Variants in SPNS2 observed in about 807,000 individuals in gnomAD.
SPNS2 encodes sphingosine-1-phosphate transporter SPNS2.
SPNS2 carries 37 observed loss-of-function variants against 57.6 expected under a neutral mutation model. The observed-to-expected ratio is 0.64, with a 90% CI of 0.49 to 0.85. SPNS2 has a LOEUF of 0.85. Ranked by LOEUF, SPNS2 falls within the 40% of genes least tolerant of loss-of-function variation. The pLI, the probability that SPNS2 is intolerant of heterozygous loss-of-function variation, is 0.00. For synonymous variants in SPNS2, 440 were observed against 346.9 expected (o/e 1.27, Z -2.98); for missense variants, 831 against 779.1 (o/e 1.07, Z -0.79).
chr17:4,520,303 G>A (rs1905107294), intron 2 of SPNS2, among the ~76,000 whole-genome samples: 1 of 152,202 alleles, frequency 6.6e-6, no homozygotes, highest in Non-Finnish European at 1.5e-5. Context: ...CCATCTAAGT[G>A]AGGAGCCAGA....
At chr17:4,500,736 T>C (rs543115690) in intron 1 of SPNS2, among the ~76,000 whole-genome samples, 8 of 152,256 alleles carry the variant, frequency 5.3e-5, no homozygotes, top group African/African-American at 1.7e-4. Flanking sequence ...TCTCCCCGTC[T>C]GTTGAATGGA....
At chr17:4,532,887 TG>T in intron 6 of SPNS2, 89 bp from the exon 7 acceptor site, 1 of 1,522,274 alleles carries the variant, frequency 6.6e-7, no homozygotes, top group Non-Finnish European at 8.8e-7. Context: ...ACGAGGCATT[TG>T]GGGGCCTCCT....
chr17:4,505,855 T>A (rs989201093), intron 1 of SPNS2, among the ~76,000 whole-genome samples: 3 of 152,124 alleles, frequency 2.0e-5, no homozygotes, highest in Admixed American at 2.0e-4. Context: ...TTGGAGCCCA[T>A]GCTAGGGTCT....
Position 4,533,863 on chromosome 17 carries a change from G to A in SPNS2, c.1344+10G>A, listed in dbSNP as rs776816469. The A allele has an allele frequency of 6.2e-6, 10 of 1,611,564 alleles. No individual in the cohort carries two copies. Among genetic ancestry groups the A allele is most frequent in the Non-Finnish European group, 7.6e-6 (9 of 1,179,574 alleles). On this transcript the variant is annotated intron_variant, in intron 9 of 12. Coordinates refer to ENST00000329078, the MANE Select transcript of SPNS2 (RefSeq NM_001124758.3). ...TGCAGACATCCTCATGGTGAGCCAG[G>A]CAGGCCGAGGTCACCTTGTGCTGCT...
At chr17:4,505,791 T>A (rs1456750505) in intron 1 of SPNS2, among the ~76,000 whole-genome samples, 1 of 152,160 alleles carries the variant, frequency 6.6e-6, no homozygotes, top group Non-Finnish European at 1.5e-5. Flanking sequence ...TAGCCAGAGC[T>A]TGGAGGCTGG....
intron 5 of SPNS2, among the ~76,000 whole-genome samples, chr17:4,531,509 C>A (rs1905472675): frequency 6.6e-6 from 1 of 152,106 alleles, no homozygotes; most frequent in East Asian, 1.9e-4. Context: ...GTGTGGGGGC[C>A]CCAGAGTCTG....
intron 11 of SPNS2, 76 bp from the exon 12 acceptor site, chr17:4,536,824 C>T: frequency 7.9e-7 from 1 of 1,264,224 alleles, no homozygotes; most frequent in Non-Finnish European, 1.1e-6. Context: ...GCCCCCACGA[C>T]ACGATGTGCC....
intron 9 of SPNS2, 47 bp downstream of exon 9, chr17:4,533,900 C>G (rs1221195013): frequency 3.1e-6 from 4 of 1,311,252 alleles, no homozygotes; most frequent in Non-Finnish European, 3.2e-6. Context: ...ACCCAGGCCT[C>G]TTGACCTCAC....
rs770664644 is a variant in SPNS2 at position 4,536,187 on chromosome 17, G to T, written c.1443+13G>T. The T allele has an allele frequency of 1.4e-5, 23 of 1,610,158 alleles. No homozygotes were observed. The highest frequency in any genetic ancestry group is 1.7e-4 in the Middle Eastern group (1 of 5,986). On this transcript the variant is annotated intron_variant, in intron 10 of 12. Coordinates refer to ENST00000329078, the MANE Select transcript of SPNS2 (RefSeq NM_001124758.3). The stretch of plus-strand genomic sequence containing the variant: ...CCTCATTGGCTTTGTGAGTAGCCCC[G>T]GGGTGGGGCTGGCCAGGGCAGGCTG...
At chr17:4,533,938 G>A in intron 9 of SPNS2, 85 bp downstream of exon 9, 1 of 1,141,592 alleles carries the variant, frequency 8.8e-7, no homozygotes, top group South Asian at 1.3e-5. Context: ...GCGGGTGAAG[G>A]GGCGGGAGAG....
At chr17:4,534,895 C>T (rs1905698731) in intron 9 of SPNS2, among the ~76,000 whole-genome samples, 1 of 152,134 alleles carries the variant, frequency 6.6e-6, no homozygotes, top group African/African-American at 2.4e-5. Flanking sequence ...GAGCGCCTGA[C>T]AGCTGCCGGC....
intron 1 of SPNS2, among the ~76,000 whole-genome samples, chr17:4,507,875 C>G (rs1421254161): frequency 2.0e-5 from 3 of 152,222 alleles, no homozygotes; most frequent in Non-Finnish European, 4.4e-5. Flanking sequence ...GCCGAGGGCT[C>G]TTGAGGTCAG....
chr17:4,522,789 G>T (rs926279201), intron 2 of SPNS2, among the ~76,000 whole-genome samples: 4 of 152,214 alleles, frequency 2.6e-5, no homozygotes, highest in African/African-American at 9.6e-5. Context: ...TGTGACCTAG[G>T]GTCCACCCTA....
At chr17:4,529,593 A>G (rs12947555) in intron 3 of SPNS2, among the ~76,000 whole-genome samples, 35,417 of 151,708 alleles carry the variant, frequency 0.23, 4,862 homozygotes, top group Non-Finnish European at 0.32. Context: ...AATCGCTTGA[A>G]CCCGGGGGGC....
chr17:4,523,163 G>T (rs1423212864), intron 2 of SPNS2, among the ~76,000 whole-genome samples: 2 of 152,264 alleles, frequency 1.3e-5, no homozygotes, highest in Non-Finnish European at 2.9e-5. Context: ...TGGTGGCCGG[G>T]TGCAGTGGCT....
chr17:4,538,826 G>C lies in SPNS2; in HGVS notation c.*1378G>C, dbSNP rs1045810889. ...TGGGGTGGGGGTGGCATCCTCCAAA[G>C]ACCAGCCTCCACCCCCACTCCAGCC... On this transcript the variant is annotated 3_prime_UTR_variant, in exon 13 of 13. Coordinates refer to ENST00000329078, the MANE Select transcript of SPNS2 (RefSeq NM_001124758.3). 5 of 774,730 alleles carry C rather than the reference G, an allele frequency of 6.5e-6. No homozygotes were observed. The highest frequency in any genetic ancestry group is 9.6e-6 in the Non-Finnish European group (4 of 415,820). The allele number at this position is 774,730 out of a possible 1,614,324, so 48.0% of individuals were successfully genotyped here.
At chr17:4,516,604 CGGA>C (rs1026888780) in intron 2 of SPNS2, among the ~76,000 whole-genome samples, 1 of 148,216 alleles carries the variant, frequency 6.7e-6, no homozygotes, top group Non-Finnish European at 1.5e-5. Context: ...CCGGTGGCCG[CGGA>C]GAACACTTCC....
rs368740788 is a variant in SPNS2 at position 4,534,233 on chromosome 17, G to A, written c.1344+380G>A. On this transcript the variant is annotated intron_variant, in intron 9 of 12. Transcript: ENST00000329078. ...TCTCTACTCAGCCTGGCTCCCAGGCGTGCCTGCGGCTGGGGCTGGGCGGAC... is the reference window on the plus strand; with the variant it reads ...TCTCTACTCAGCCTGGCTCCCAGGCATGCCTGCGGCTGGGGCTGGGCGGAC... Among the ~76,000 whole-genome samples the A allele has an allele frequency of 3.2e-4, 48 of 152,170 alleles. 1 individual carries two copies. Among genetic ancestry groups the A allele is most frequent in the East Asian group, 1.5e-3 (8 of 5,162 alleles).
intron 2 of SPNS2, among the ~76,000 whole-genome samples, chr17:4,521,828 A>G (rs1905145315): frequency 6.6e-6 from 1 of 152,258 alleles, no homozygotes; most frequent in Non-Finnish European, 1.5e-5. Flanking sequence ...GTCCCCGCAC[A>G]TCCCTTTCCA....
Sources: allele counts gnomAD v4.1 joint callset (sites outside exome capture counted in the v4.1 genomes callset), GRCh38; gene constraint gnomAD v4.1.1; transcripts MANE v1.5; gene names NCBI Gene and HGNC (gene_info 2026-07-23, HGNC 2026-07-21).